Variants in SCCPDH observed in about 807,000 individuals in gnomAD.
The protein encoded by SCCPDH is saccharopine dehydrogenase-like oxidoreductase.
SCCPDH carries 34 observed loss-of-function variants against 51.5 expected under a neutral mutation model. That is an observed-to-expected ratio of 0.66 (90% CI 0.50 to 0.88). The LOEUF (loss-of-function observed/expected upper bound fraction) is 0.88, where lower values mean the gene tolerates loss of function less well. Among genes scored for constraint, SCCPDH ranks in the 40% least tolerant of loss-of-function variants. SCCPDH has a pLI of 0.00. For missense variants in SCCPDH, 464 were observed against 527.1 expected, an observed-to-expected ratio of 0.88 and a Z score of 1.17; for synonymous variants, 187 against 191.3, an observed-to-expected ratio of 0.98 and a Z score of 0.19.
chr1:246,724,583 G>T lies in SCCPDH; in HGVS notation c.161G>T (p.Arg54Leu). Reference protein sequence around the residue: ...VAGRSREKLQRVLEKAALKLG... With the variant: ...VAGRSREKLQLVLEKAALKLG... ...GGCCGCTCCCGGGAGAAGCTGCAGCGGGTGCTGGAGAAGGCGGCCCTGAAG... is the reference window on the plus strand; with the variant it reads ...GGCCGCTCCCGGGAGAAGCTGCAGCTGGTGCTGGAGAAGGCGGCCCTGAAG... The change falls in exon 1 of 12, where the codon CGG (arginine) becomes CTG (leucine). Residue 54 changes from arginine to leucine, a missense_variant. Physicochemically the swap from Arg to Leu is moderately radical, Grantham distance 102. Coordinates refer to ENST00000366510, the MANE Select transcript of SCCPDH (RefSeq NM_016002.3). 6.6e-7 allele frequency: 1 copy of T among 1,518,428 alleles called. No individual in the cohort carries two copies. The highest frequency in any genetic ancestry group is 2.7e-5 in the East Asian group (1 of 36,398). The allele number at this position is 1,518,428 out of a possible 1,614,324, so 94.1% of individuals were successfully genotyped here.
intron 2 of SCCPDH, among the ~76,000 whole-genome samples, chr1:246,730,658 G>A (rs570923146): frequency 6.6e-6 from 1 of 152,310 alleles, no homozygotes; most frequent in Non-Finnish European, 1.5e-5. Flanking sequence ...TCATGTTTTT[G>A]TAAACATTAA....
At chr1:246,740,392 A>G (rs920386395) in intron 4 of SCCPDH, 91 bp downstream of exon 4, 2 of 1,145,546 alleles carry the variant, frequency 1.7e-6, no homozygotes, top group African/African-American at 3.1e-5. Flanking sequence ...ATCTAGTTGA[A>G]AAAAGAAACA....
chr1:246,765,319 G>C (rs1301198708), intron 10 of SCCPDH, among the ~76,000 whole-genome samples: 12 of 152,168 alleles, frequency 7.9e-5, no homozygotes, highest in Admixed American at 7.9e-4. Flanking sequence ...CCTAGGCTGG[G>C]CTCAAGCAGT....
chr1:246,751,418 ACTTTTCAAAC>A (rs1166939967), intron 5 of SCCPDH, among the ~76,000 whole-genome samples: 4 of 152,214 alleles, frequency 2.6e-5, no homozygotes, highest in Non-Finnish European at 4.4e-5. Flanking sequence ...TTTACAATTA[ACTTTTCAAAC>A]CTTGCTTAAA....
chr1:246,756,165 C>A (rs1050132960), intron 5 of SCCPDH, among the ~76,000 whole-genome samples: 31 of 152,186 alleles, frequency 2.0e-4, no homozygotes, highest in South Asian at 4.1e-4. Flanking sequence ...GAGTTACTTA[C>A]AACACGTGGT....
chr1:246,752,859 A>G lies in SCCPDH; in HGVS notation c.565-5367A>G, dbSNP rs1414779745. Among the ~76,000 whole-genome samples the G allele has an allele frequency of 3.3e-5, 5 of 152,256 alleles. No individual in the cohort carries two copies. In the East Asian group the frequency reaches 9.6e-4, roughly 29 times the overall value. ...AATATGAACTGATTTGCTTTTATATATGACTTTTGTTCTTTTTCCCATTTG... is the reference window on the plus strand; with the variant it reads ...AATATGAACTGATTTGCTTTTATATGTGACTTTTGTTCTTTTTCCCATTTG... On this transcript the variant is annotated intron_variant, in intron 5 of 11. Transcript: ENST00000366510.
At chr1:246,736,853 G>A (rs1306495018) in intron 3 of SCCPDH, among the ~76,000 whole-genome samples, 1 of 152,088 alleles carries the variant, frequency 6.6e-6, no homozygotes, top group Non-Finnish European at 1.5e-5. Context: ...AGTGTTTTAT[G>A]TAACTTTTTA....
chr1:246,749,511 G>GA (rs1182092311), intron 5 of SCCPDH, among the ~76,000 whole-genome samples: 2 of 152,178 alleles, frequency 1.3e-5, no homozygotes. Context: ...CTACACCACA[G>GA]AAATGGCCTA....
At chr1:246,726,870 C>T (rs746393056) in intron 1 of SCCPDH, 22 bp from the exon 2 acceptor site, 3 of 1,537,646 alleles carry the variant, frequency 2.0e-6, no homozygotes, top group Non-Finnish European at 2.7e-6. Context: ...ATTTACTTTC[C>T]TTCATTTGTT....
intron 7 of SCCPDH, 100 bp from the exon 8 acceptor site, chr1:246,759,857 C>A: frequency 7.7e-7 from 1 of 1,296,438 alleles, no homozygotes; most frequent in Non-Finnish European, 1.1e-6. Context: ...TGCTTTTGTT[C>A]CACATTTGTG....
intron 5 of SCCPDH, 122 bp downstream of exon 5, chr1:246,744,247 T>G (rs1668722564): frequency 2.2e-6 from 1 of 461,388 alleles, no homozygotes; most frequent in Non-Finnish European, 3.9e-6. Context: ...GTTTAATTTT[T>G]AAAAAGATAC....
chr1:246,758,995 T>C lies in SCCPDH; in HGVS notation c.696-39T>C, dbSNP rs753068044. 53 of 1,147,332 alleles carry C rather than the reference T, an allele frequency of 4.6e-5. No individual in the cohort carries two copies. In the Middle Eastern group the frequency reaches 7.7e-4, roughly 17 times the overall value. The allele number at this position is 1,147,332 out of a possible 1,614,324, so 71.1% of individuals were successfully genotyped here. On this transcript the variant is annotated intron_variant, in intron 6 of 11. Coordinates refer to ENST00000366510, the MANE Select transcript of SCCPDH (RefSeq NM_016002.3). ...AGACATTTACCAGCCAAAGTTGTAA[T>C]TGCAGGAAATGCAAAATATTCATAG...
intron 3 of SCCPDH, among the ~76,000 whole-genome samples, chr1:246,739,933 T>C (rs1408276227): frequency 6.6e-6 from 1 of 152,148 alleles, no homozygotes; most frequent in East Asian, 1.9e-4. Context: ...TTAAAAGTCA[T>C]TCTAAAAAAA....
Position 246,724,569 on chromosome 1 carries a change from G to T in SCCPDH, c.147G>T (p.Arg49=). 6.5e-7 allele frequency: 1 copy of T among 1,534,334 alleles called. No homozygotes were observed. Among genetic ancestry groups the T allele is most frequent in the East Asian group, 2.6e-5 (1 of 38,146 alleles). Residue 49 remains arginine (R), a synonymous_variant, in exon 1 of 12, where the codon CGG becomes CGT. Coordinates refer to ENST00000366510, the MANE Select transcript of SCCPDH (RefSeq NM_016002.3). The stretch of plus-strand genomic sequence containing the variant: ...CCTGGGCCGTGGCGGGCCGCTCCCG[G>T]GAGAAGCTGCAGCGGGTGCTGGAGA... ...RLPWAVAGRS[R]EKLQRVLEKA...
At chr1:246,766,649 C>A (rs992853465) in intron 11 of SCCPDH, among the ~76,000 whole-genome samples, 2 of 152,174 alleles carry the variant, frequency 1.3e-5, no homozygotes, top group Admixed American at 1.3e-4. Context: ...GAGAAGTAAA[C>A]CAGGCATGAC....
chr1:246,752,158 C>G (rs1366129282), intron 5 of SCCPDH, among the ~76,000 whole-genome samples: 1 of 152,086 alleles, frequency 6.6e-6, no homozygotes, highest in Non-Finnish European at 1.5e-5. Flanking sequence ...GTGGACTAGA[C>G]TGCCTGAGGC....
intron 9 of SCCPDH, among the ~76,000 whole-genome samples, chr1:246,762,741 T>C (rs945393946): frequency 1.3e-5 from 2 of 149,760 alleles, no homozygotes; most frequent in African/African-American, 4.9e-5. Context: ...CTCAGGAGGC[T>C]GAGGCAGGAG....
At chr1:246,747,510 A>G (rs1449115705) in intron 5 of SCCPDH, among the ~76,000 whole-genome samples, 3 of 152,176 alleles carry the variant, frequency 2.0e-5, no homozygotes, top group Non-Finnish European at 4.4e-5. Context: ...TTAGAAATAA[A>G]TTTTCAGTGC....
At chr1:246,758,139 A>G in intron 5 of SCCPDH, 87 bp from the exon 6 acceptor site, 1 of 1,002,376 alleles carries the variant, frequency 1.0e-6, no homozygotes. Flanking sequence ...TAAGTGAAAT[A>G]TTGTTTGTAA....
Sources: allele counts gnomAD v4.1 joint callset (sites outside exome capture counted in the v4.1 genomes callset), GRCh38; gene constraint gnomAD v4.1.1; transcripts MANE v1.5; gene names NCBI Gene and HGNC (gene_info 2026-07-23, HGNC 2026-07-21).